The following GLT1D1 variants were observed in gnomAD, a reference collection of about 807,000 sequenced individuals.
GLT1D1 encodes glycosyltransferase 1 domain containing 1.
GLT1D1 carries 21 observed loss-of-function variants against 28.7 expected under a neutral mutation model. That is an observed-to-expected ratio of 0.73 (90% CI 0.52 to 1.05). The LOEUF (loss-of-function observed/expected upper bound fraction) is 1.05, where lower values mean the gene tolerates loss of function less well. Among genes scored for constraint, GLT1D1 ranks in the 50% least tolerant of loss-of-function variants. GLT1D1 has a pLI of 0.00. For missense variants in GLT1D1, 343 were observed against 330.6 expected, an observed-to-expected ratio of 1.04 and a Z score of -0.29; for synonymous variants, 147 against 124.8, an observed-to-expected ratio of 1.18 and a Z score of -1.19.
chr12:128,945,292 G>A (rs1005116452), intron 4 of GLT1D1, 34 bp from the exon 9 acceptor site: 63 of 1,612,304 alleles, frequency 3.9e-5, no homozygotes, highest in Non-Finnish European at 4.8e-5. Context: ...CTAGCAGGCG[G>A]CGACCGCTGA....
At position 128,982,806 on chromosome 12, in the gene GLT1D1, C is replaced by G. The variant is rs1593226216; in HGVS notation, c.640-123C>G. On this transcript the variant is annotated intron_variant, in intron 7 of 7. Transcript: ENST00000281703. ...TCCCATCCCTCCTAAAAGTCACTCT[C>G]TCCAGGCCCAGGAGGCAGACAAGGG... 4 of 778,014 alleles carry G rather than the reference C, an allele frequency of 5.1e-6. 1 individual carries two copies. In the Middle Eastern group the frequency reaches 9.4e-4, roughly 183 times the overall value. The allele number at this position is 778,014 out of a possible 1,614,324, so 48.2% of individuals were successfully genotyped here.
In GLT1D1 at chr12:128,947,341, C is replaced by T. The variant is rs779407620; in HGVS notation, c.423C>T (p.Ala141=). 1.9e-5 allele frequency: 31 copies of T among 1,613,756 alleles called. No homozygotes were observed. The highest frequency in any genetic ancestry group is 1.7e-4 in the Middle Eastern group (1 of 5,992). Reference sequence around the variant, plus strand: ...CTCTTCCTGCTTTGTGTTTCAGAGCCGCTGGGGTACGATTGATTGGAGAGA... The same window carrying T: ...CTCTTCCTGCTTTGTGTTTCAGAGCTGCTGGGGTACGATTGATTGGAGAGA... Residue 141 remains alanine, a synonymous_variant, in exon 6 of 8, where the codon GCC becomes GCT. Transcript: ENST00000281703.
chr12:128,945,105 C>T (rs1464273160), intron 4 of GLT1D1: 3 of 705,396 alleles, frequency 4.3e-6, no homozygotes, highest in South Asian at 3.2e-5. Context: ...TGGAAAGGTG[C>T]TTTAGCTCGA....
chr12:128,941,882 G>A (rs1334795104), intron 4 of GLT1D1, among the ~76,000 whole-genome samples: 4 of 142,650 alleles, frequency 2.8e-5, no homozygotes, highest in Admixed American at 7.1e-5. Context: ...ATGAGCCACC[G>A]TGCCTGGTCT....
rs149209208 is a variant in GLT1D1 at position 128,902,873 on chromosome 12, T to C, written c.375+3586T>C. Among the ~76,000 whole-genome samples the C allele has an allele frequency of 7.1e-3, 1,078 of 151,178 alleles. 39 individuals carry two copies. Among genetic ancestry groups the C allele is most frequent in the African/African-American group, 0.025 (1,021 of 40,834 alleles). On this transcript the variant is annotated intron_variant, in intron 4 of 7. Transcript: ENST00000281703. ...GCCTGGCCAACATGACGAAACCCTGTCTCTACTGAAAATGCAAAAAATTAG... is the reference window on the plus strand; with the variant it reads ...GCCTGGCCAACATGACGAAACCCTGCCTCTACTGAAAATGCAAAAAATTAG...
At chr12:128,924,796 T>G (rs1873020706) in intron 4 of GLT1D1, among the ~76,000 whole-genome samples, 1 of 151,980 alleles carries the variant, frequency 6.6e-6, no homozygotes, top group South Asian at 2.1e-4. Flanking sequence ...AACGGGGCAG[T>G]GGGGAGAGTG....
At chr12:128,874,960 C>A (rs1566092433) in intron 1 of GLT1D1, among the ~76,000 whole-genome samples, 1 of 151,428 alleles carries the variant, frequency 6.6e-6, no homozygotes, top group Non-Finnish European at 1.5e-5. Flanking sequence ...GAAAAAATTT[C>A]TTTTTTGTTT....
intron 2 of GLT1D1, among the ~76,000 whole-genome samples, chr12:128,880,071 T>C (rs1956998594): frequency 6.6e-6 from 1 of 152,268 alleles, no homozygotes; most frequent in Non-Finnish European, 1.5e-5. Context: ...GTAACTTTTG[T>C]TTTGATTGAC....
In GLT1D1 at chr12:128,947,411, G is replaced by T; in HGVS notation, c.493G>T (p.Val165Leu). The T allele has an allele frequency of 1.2e-6, 2 of 1,614,152 alleles. No individual in the cohort carries two copies. Among genetic ancestry groups the T allele is most frequent in the Non-Finnish European group, 1.7e-6 (2 of 1,180,006 alleles). The change falls in exon 6 of 8, where the codon GTG (valine) becomes TTG (leucine). Residue 165 changes from valine (V) to leucine (L), a missense_variant. Val to Leu is a conservative substitution (Grantham distance 32). Coordinates refer to ENST00000281703, the MANE Select transcript of GLT1D1 (RefSeq NM_144669.3). ...CGCGGTGGTGAAGAATTGCTTCGCG[G>T]TGGTGAATAGCTCTGTCTCTGAAGG...
chr12:128,970,620 T>C (rs888267494), intron 7 of GLT1D1, among the ~76,000 whole-genome samples: 3 of 152,248 alleles, frequency 2.0e-5, no homozygotes, highest in African/African-American at 7.2e-5. Flanking sequence ...TGCCCCCTCC[T>C]CGTTCCAGGC....
At chr12:128,902,421 G>T (rs1870379027) in intron 4 of GLT1D1, among the ~76,000 whole-genome samples, 1 of 149,828 alleles carries the variant, frequency 6.7e-6, no homozygotes, top group Non-Finnish European at 1.5e-5. Flanking sequence ...GAAGGTGGAG[G>T]TTGCAGTGAG....
At chr12:128,926,192 TCAATAA>T (rs1479127744) in intron 4 of GLT1D1, among the ~76,000 whole-genome samples, 161 bp from the exon 7 acceptor site, 191 of 90,044 alleles carry the variant, frequency 2.1e-3, no homozygotes, top group Non-Finnish European at 3.7e-3. Flanking sequence ...AGACTCTGTC[TCAATAA>T]TAATAATAAT....
rs531083516 is a variant in GLT1D1 at position 128,871,583 on chromosome 12, A to G, written c.69-4331A>G. ...AAAAATATCATCCACATATTAGTAC[A>G]GTGTAGAATCTCACCATATGCCCCA... On this transcript the variant is annotated intron_variant, in intron 1 of 7. Transcript: ENST00000281703. Among the ~76,000 whole-genome samples, 6 of 152,326 alleles carry G rather than the reference A, an allele frequency of 3.9e-5. No individual in the cohort carries two copies. The South Asian group carries it at 6.2e-4, about 16-fold the overall frequency.
Position 128,947,393 on chromosome 12 carries a change from G to T in GLT1D1, c.475G>T (p.Val159Leu). The T allele has an allele frequency of 6.2e-7, 1 of 1,614,158 alleles. No homozygotes were observed. The highest frequency in any genetic ancestry group is 8.5e-7 in the Non-Finnish European group (1 of 1,180,024). Residue 159 changes from valine (V) to leucine (L), a missense_variant, in exon 6 of 8, where the codon GTG (valine) becomes TTG (leucine). By Grantham distance (32) the Val-to-Leu change is conservative. Coordinates refer to ENST00000281703, the MANE Select transcript of GLT1D1 (RefSeq NM_144669.3). ...GCCTCAAGAAGATCTGCACGCGGTG[G>T]TGAAGAATTGCTTCGCGGTGGTGAA... is the stretch of plus-strand genomic sequence containing the variant.
intron 1 of GLT1D1, among the ~76,000 whole-genome samples, chr12:128,869,030 C>T (rs1956618283): frequency 6.6e-6 from 1 of 152,048 alleles, no homozygotes; most frequent in African/African-American, 2.4e-5. Context: ...CTACCACGCC[C>T]AGCTAATTTT....
intron 4 of GLT1D1, among the ~76,000 whole-genome samples, chr12:128,933,369 T>G (rs957293878): frequency 3.3e-5 from 5 of 152,394 alleles, no homozygotes; most frequent in African/African-American, 7.2e-5. Flanking sequence ...AGAAACAAGC[T>G]CTATTGAACA....
At chr12:128,910,904 G>A (rs555075408) in intron 4 of GLT1D1, among the ~76,000 whole-genome samples, 2 of 152,132 alleles carry the variant, frequency 1.3e-5, no homozygotes, top group East Asian at 3.9e-4. Flanking sequence ...ACACCATACC[G>A]AGCCTCGTGT....
chr12:128,857,653 C>T (rs1301871165), intron 1 of GLT1D1, among the ~76,000 whole-genome samples: 2 of 152,098 alleles, frequency 1.3e-5, no homozygotes, highest in Non-Finnish European at 2.9e-5. Context: ...AAAATCTCTG[C>T]CAAAGACCCC....
chr12:128,926,298 A>G, intron 4 of GLT1D1, 61 bp from the exon 7 acceptor site: 1 of 769,750 alleles, frequency 1.3e-6, no homozygotes. Flanking sequence ...CTGTGATGTC[A>G]TTGCTACTGC....
Sources: gnomAD v4.1 joint callset for allele counts (sites outside exome capture counted in the v4.1 genomes callset) on GRCh38, gnomAD v4.1.1 for gene constraint, MANE v1.5 for transcripts, NCBI Gene and HGNC (gene_info 2026-07-23, HGNC 2026-07-21) for gene names.